Variants in TMX4 observed in about 807,000 individuals in gnomAD.
The protein encoded by TMX4 is thioredoxin related transmembrane protein 4, also known as thioredoxin-related transmembrane protein 4.
In TMX4, 23 loss-of-function variants were observed where a neutral mutation model predicts 33.3. The ratio of observed to expected loss-of-function variants is 0.69; its 90% CI spans 0.50 to 0.98. TMX4 has a LOEUF of 0.98. TMX4 is among the 50% of genes least tolerant of loss of function. TMX4 has a pLI of 0.00. For missense variants in TMX4, 399 were observed against 448.9 expected, an observed-to-expected ratio of 0.89 and a Z score of 1.01; for synonymous variants, 164 against 161.5, an observed-to-expected ratio of 1.02 and a Z score of -0.12.
At chr20:7,995,835 A>C (rs80003527) in intron 5 of TMX4, among the ~76,000 whole-genome samples, 191 bp downstream of exon 5, 3,702 of 152,090 alleles carry the variant, frequency 0.024, 95 homozygotes, top group East Asian at 0.064. Flanking sequence ...GTTACAGGTT[A>C]CTGTTCAGAT....
intron 1 of TMX4, chr20:8,019,228 T>G: frequency 1.8e-6 from 1 of 565,072 alleles, no homozygotes. Context: ...AGGTCGTTGG[T>G]AAGGCGGGTC....
intron 5 of TMX4, among the ~76,000 whole-genome samples, chr20:7,989,967 T>A (rs1173842150): frequency 2.0e-5 from 3 of 152,194 alleles, no homozygotes; most frequent in Non-Finnish European, 2.9e-5. Flanking sequence ...CTGATGGGCA[T>A]GATACCTTAT....
intron 3 of TMX4, among the ~76,000 whole-genome samples, chr20:8,000,696 T>C (rs2050702223): frequency 1.3e-5 from 2 of 152,142 alleles, no homozygotes; most frequent in Non-Finnish European, 2.9e-5. Context: ...ATGTTCTCTC[T>C]AGATATATTT....
chr20:7,999,608 A>G, intron 4 of TMX4, 124 bp downstream of exon 4: 28 of 1,110,166 alleles, frequency 2.5e-5, no homozygotes, highest in Non-Finnish European at 3.4e-5. Context: ...AAGCATGGCC[A>G]TGAGTAATCT....
chr20:7,982,463 C>G lies in TMX4; in HGVS notation c.838G>C (p.Glu280Gln). The change falls in exon 8 of 8, where the codon GAG becomes CAG. Residue 280 changes from glutamate (E) to glutamine (Q), a missense_variant. By Grantham distance (29) the Glu-to-Gln change is conservative. Transcript: ENST00000246024. ...CCAGCAGCCAAGTTGTCCTCCTCCT[C>G]TTCTTCCTCTGCTTCATCCTCATCG... Reference protein sequence around the residue: ...LGDEDEAEEEEEEDNLAAGVD... With the variant: ...LGDEDEAEEEQEEDNLAAGVD... 1.2e-6 allele frequency: 2 copies of G among 1,614,150 alleles called. No homozygotes were observed. The highest frequency in any genetic ancestry group is 1.7e-6 in the Non-Finnish European group (2 of 1,180,020).
chr20:8,004,439 C>T (rs1175494848), intron 2 of TMX4, among the ~76,000 whole-genome samples: 1 of 152,156 alleles, frequency 6.6e-6, no homozygotes, highest in African/African-American at 2.4e-5. Context: ...CAAGTATACT[C>T]CTAAGCTTTT....
At chr20:7,995,621 AT>A (rs2050672933) in intron 5 of TMX4, among the ~76,000 whole-genome samples, 1 of 152,182 alleles carries the variant, frequency 6.6e-6, no homozygotes, top group Admixed American at 6.6e-5. Flanking sequence ...GTAAAATTTT[AT>A]TTACAAAAAC....
At position 8,019,423 on chromosome 20, in the gene TMX4, G is replaced by C; in HGVS notation, c.176+15C>G. The C allele has an allele frequency of 6.6e-7, 1 of 1,513,936 alleles. No homozygotes were observed. Among genetic ancestry groups the C allele is most frequent in the Non-Finnish European group, 8.8e-7 (1 of 1,130,290 alleles). 93.8% of individuals were successfully genotyped at this position (1,513,936 alleles called of 1,614,324 possible). On this transcript the variant is annotated intron_variant, in intron 1 of 7. Transcript: ENST00000246024. ...CGAGGACACTGCGGCGTCCGGGGCGGGCGGGCACACTCACAATTTCAGCAT... is the reference window on the plus strand; with the variant it reads ...CGAGGACACTGCGGCGTCCGGGGCGCGCGGGCACACTCACAATTTCAGCAT...
intron 2 of TMX4, among the ~76,000 whole-genome samples, chr20:8,009,342 G>A (rs922438587): frequency 1.3e-5 from 2 of 152,054 alleles, no homozygotes; most frequent in Non-Finnish European, 2.9e-5. Context: ...GCTAATCAGT[G>A]TAGACAGAAT....
intron 1 of TMX4, among the ~76,000 whole-genome samples, chr20:8,012,835 C>T (rs905133264): frequency 1.3e-5 from 2 of 152,136 alleles, no homozygotes; most frequent in African/African-American, 4.8e-5. Flanking sequence ...TATGCCATTT[C>T]TACATAGCTG....
rs760389303 is a variant in TMX4 at position 7,987,300 on chromosome 20, A to G, written c.603T>C (p.Leu201=). 1 of 1,588,860 alleles carries G rather than the reference A, an allele frequency of 6.3e-7. No individual in the cohort carries two copies. Among genetic ancestry groups the G allele is most frequent in the South Asian group, 1.2e-5 (1 of 85,444 alleles). Residue 201 remains leucine (L), a synonymous_variant, in exon 6 of 8, where the codon CTT becomes CTC. Coordinates refer to ENST00000246024, the MANE Select transcript of TMX4 (RefSeq NM_021156.4). ...FFVIATLVFG[L]FMGLVLVVIS... ...TATTATCTCTTACCAGACCCATAAA[A>G]AGGCCAAAAACCAAGGTGGCTATGA...
intron 1 of TMX4, among the ~76,000 whole-genome samples, chr20:8,018,471 GGAGGGAGGGGGAGAGA>G (rs2050791254): frequency 2.6e-5 from 1 of 38,748 alleles, no homozygotes; most frequent in Non-Finnish European, 4.2e-5. Context: ...AGGGAGGGAG[GGAGGGAGGGGGAGAGA>G]GAGAGAGAGA....
At chr20:8,013,069 A>G (rs893393351) in intron 1 of TMX4, among the ~76,000 whole-genome samples, 2 of 152,190 alleles carry the variant, frequency 1.3e-5, no homozygotes, top group African/African-American at 4.8e-5. Context: ...ACTAAGTAAA[A>G]TATCTCCAGG....
intron 1 of TMX4, among the ~76,000 whole-genome samples, chr20:8,013,149 C>CAT (rs1043430356): frequency 1.3e-4 from 20 of 152,076 alleles, no homozygotes; most frequent in African/African-American, 3.1e-4. Flanking sequence ...CACATAGATA[C>CAT]ATATATATAT....
In TMX4 at chr20:7,977,998, G is replaced by T. The variant is rs922792414; in HGVS notation, c.*4253C>A. ...CAGCAGGCTTGATGACTCCAAATTT[G>T]GCTTTTTAAGACAAGCTAAAATCTC... On this transcript the variant is annotated 3_prime_UTR_variant, in exon 8 of 8. Transcript: ENST00000246024. The T allele has an allele frequency of 6.6e-6, 1 of 152,272 alleles. No homozygotes were observed. Among genetic ancestry groups the T allele is most frequent in the East Asian group, 1.9e-4 (1 of 5,180 alleles). 9.4% of individuals were successfully genotyped at this position (152,272 alleles called of 1,614,324 possible). A position where few individuals can be genotyped will look rare whatever the true frequency, so the allele number is the denominator to read the frequency against.
In TMX4 at chr20:7,977,912, G is replaced by C. The variant is rs1426306719; in HGVS notation, c.*4339C>G. On this transcript the variant is annotated 3_prime_UTR_variant, in exon 8 of 8. Transcript: ENST00000246024. ...CATGTCCCGGGCTGAAGCGATCAAA[G>C]GGCTTTTCAACTGAAGTTCTTACTT... 6.6e-6 allele frequency: 1 copy of C among 152,162 alleles called. No individual in the cohort carries two copies. Among genetic ancestry groups the C allele is most frequent in the Admixed American group, 6.5e-5 (1 of 15,278 alleles). The allele number at this position is 152,162 out of a possible 1,614,324, so 9.4% of individuals were successfully genotyped here. A position where few individuals can be genotyped will look rare whatever the true frequency, so the allele number is the denominator to read the frequency against.
At chr20:7,983,733 C>G in intron 7 of TMX4, 61 bp downstream of exon 7, 1 of 1,442,688 alleles carries the variant, frequency 6.9e-7, no homozygotes, top group Admixed American at 1.8e-5. Flanking sequence ...TATATGAGCA[C>G]AAAAAGGCAC....
At chr20:7,999,390 G>T (rs1009081859) in intron 4 of TMX4, among the ~76,000 whole-genome samples, 8 of 152,122 alleles carry the variant, frequency 5.3e-5, no homozygotes, top group African/African-American at 1.9e-4. Flanking sequence ...TTATTCCTCT[G>T]TCTCATCAAT....
intron 4 of TMX4, 117 bp from the exon 5 acceptor site, chr20:7,996,188 T>A (rs1410967175): frequency 4.1e-6 from 3 of 725,652 alleles, no homozygotes; most frequent in Non-Finnish European, 7.0e-6. Flanking sequence ...TTGCCCCCTC[T>A]CCCAGATTCA....
Sources: gnomAD v4.1 joint callset for allele counts (sites outside exome capture counted in the v4.1 genomes callset) on GRCh38, gnomAD v4.1.1 for gene constraint, MANE v1.5 for transcripts, NCBI Gene and HGNC (gene_info 2026-07-23, HGNC 2026-07-21) for gene names.